Variants in CDC5L observed in about 807,000 individuals in gnomAD.
CDC5L encodes cell division cycle 5 like, also known as cell division cycle 5-like protein.
A neutral mutation model predicts 104.1 loss-of-function variants in CDC5L; 18 were observed. The observed-to-expected ratio is 0.17, with a 90% CI of 0.12 to 0.26. The LOEUF is 0.26. Ranked by LOEUF, CDC5L falls within the 10% of genes least tolerant of loss-of-function variation. The pLI is 1.00. For missense variants in CDC5L, 673 were observed against 956.9 expected, an observed-to-expected ratio of 0.70 and a Z score of 3.91; for synonymous variants, 331 against 322.7, an observed-to-expected ratio of 1.03 and a Z score of -0.28.
chr6:44,408,282 T>TC (rs1482754543), intron 7 of CDC5L, among the ~76,000 whole-genome samples, 162 bp from the exon 8 acceptor site: 13 of 151,798 alleles, frequency 8.6e-5, no homozygotes, highest in African/African-American at 3.1e-4. Flanking sequence ...TTTTTTTTTT[T>TC]CAATAGAGAC....
At chr6:44,446,000 G>C (rs2153384714) in intron 15 of CDC5L, 133 bp downstream of exon 15, 1 of 692,024 alleles carries the variant, frequency 1.4e-6, no homozygotes, top group Non-Finnish European at 2.4e-6. Context: ...AGAGCCTAAA[G>C]TGTTTGACTT....
intron 5 of CDC5L, among the ~76,000 whole-genome samples, chr6:44,396,754 C>T (rs1790887675): frequency 1.3e-5 from 2 of 152,178 alleles, no homozygotes; most frequent in African/African-American, 4.8e-5. Flanking sequence ...TCCACTGCCC[C>T]TTCCTTGGGT....
chr6:44,432,037 CTG>C (rs907775151), intron 14 of CDC5L, among the ~76,000 whole-genome samples: 91 of 152,212 alleles, frequency 6.0e-4, no homozygotes, highest in African/African-American at 2.0e-3. Context: ...ATTTGGTAAA[CTG>C]TGCTTATTTC....
chr6:44,441,006 C>G (rs566370589), intron 14 of CDC5L, among the ~76,000 whole-genome samples: 2 of 152,294 alleles, frequency 1.3e-5, no homozygotes, highest in African/African-American at 4.8e-5. Context: ...CCATGCCCAG[C>G]CTAAAAATCC....
rs1205872182 is a variant in CDC5L at position 44,398,822 on chromosome 6, A to C, written c.539+2382A>C. Among the ~76,000 whole-genome samples the C allele has an allele frequency of 3.3e-5, 5 of 152,380 alleles. No individual in the cohort carries two copies. The South Asian group carries it at 1.0e-3, about 32-fold the overall frequency. On this transcript the variant is annotated intron_variant, in intron 5 of 15. Transcript: ENST00000371477. The stretch of plus-strand genomic sequence containing the variant: ...TCTAAACTTTTCTCTCTCTCAACAT[A>C]GATGTGCATTTATGTGTATATATGT...
intron 8 of CDC5L, among the ~76,000 whole-genome samples, chr6:44,410,419 T>A (rs933278367): frequency 6.6e-6 from 1 of 152,258 alleles, no homozygotes; most frequent in African/African-American, 2.4e-5. Context: ...TAGTATTTTA[T>A]TGTGTTTATG....
At chr6:44,421,862 C>G (rs1378703233) in intron 9 of CDC5L, among the ~76,000 whole-genome samples, 1 of 151,958 alleles carries the variant, frequency 6.6e-6, no homozygotes, top group Non-Finnish European at 1.5e-5. Flanking sequence ...GGAACCAATC[C>G]CCGGTGGATA....
At chr6:44,445,900 G>T (rs77313417) in intron 15 of CDC5L, 33 bp downstream of exon 15, 15 of 1,506,458 alleles carry the variant, frequency 1.0e-5, no homozygotes, top group Non-Finnish European at 1.4e-5. Flanking sequence ...TGTTTAAAAA[G>T]AGTGCTGCAA....
chr6:44,391,438 C>T (rs150794873), intron 2 of CDC5L, among the ~76,000 whole-genome samples: 2,691 of 151,890 alleles, frequency 0.018, 45 homozygotes, highest in East Asian at 0.082. Flanking sequence ...TTAGTAGAGA[C>T]GGAGTTTCGC....
intron 8 of CDC5L, among the ~76,000 whole-genome samples, chr6:44,412,612 T>TA (rs763822693): frequency 5.9e-5 from 9 of 151,432 alleles, no homozygotes; most frequent in South Asian, 2.1e-4. Flanking sequence ...GTTTTTTTTT[T>TA]AATTTTGGGA....
chr6:44,433,316 C>G (rs1792774836), intron 14 of CDC5L, among the ~76,000 whole-genome samples: 1 of 152,006 alleles, frequency 6.6e-6, no homozygotes, highest in South Asian at 2.1e-4. Context: ...TCTGATGATG[C>G]CAGATAAATG....
At chr6:44,403,428 A>G (rs1186949206) in intron 5 of CDC5L, among the ~76,000 whole-genome samples, 1 of 152,002 alleles carries the variant, frequency 6.6e-6, no homozygotes, top group African/African-American at 2.4e-5. Context: ...TTCATTTATA[A>G]ATTTTCATAG....
chr6:44,399,746 C>T lies in CDC5L; in HGVS notation c.539+3306C>T, dbSNP rs185329627. On this transcript the variant is annotated intron_variant, in intron 5 of 15. Transcript: ENST00000371477. ...TAGGCTCACTGCAAGCTCCACCTCC[C>T]GGGTTCACGCCATTTTCCTGCCTCA... 4.0e-4 allele frequency among the ~76,000 whole-genome samples: 61 copies of T among 152,130 alleles called. No homozygotes were observed. The East Asian group carries it at 9.5e-3, about 24-fold the overall frequency.
At chr6:44,433,468 A>AT (rs1265816543) in intron 14 of CDC5L, among the ~76,000 whole-genome samples, 1 of 152,206 alleles carries the variant, frequency 6.6e-6, no homozygotes, top group Non-Finnish European at 1.5e-5. Context: ...TGAAATGAGA[A>AT]GTCTGAATTT....
intron 8 of CDC5L, among the ~76,000 whole-genome samples, chr6:44,417,025 C>A (rs1218363891): frequency 6.6e-6 from 1 of 152,102 alleles, no homozygotes; most frequent in Non-Finnish European, 1.5e-5. Flanking sequence ...TGGTTATTTT[C>A]ATTTTGCCTC....
chr6:44,393,528 C>T lies in CDC5L; in HGVS notation c.394C>T (p.Pro132Ser). The change falls in exon 4 of 16, where the codon CCA becomes TCA. Residue 132 changes from proline (P) to serine (S), a missense_variant. Transcript: ENST00000371477. ...TAAACCTGGAGAAATAGATCCAAAT[C>T]CAGAAACAAAACCAGCGCGGCCTGA... ...KLKPGEIDPN[P>S]ETKPARPDPI... 6.2e-7 allele frequency: 1 copy of T among 1,613,950 alleles called. No individual in the cohort carries two copies. The highest frequency in any genetic ancestry group is 8.5e-7 in the Non-Finnish European group (1 of 1,179,930).
intron 1 of CDC5L, 97 bp downstream of exon 1, chr6:44,387,965 G>A: frequency 3.4e-6 from 4 of 1,172,430 alleles, no homozygotes; most frequent in Non-Finnish European, 4.9e-6. Context: ...GAGACCCTGT[G>A]GGGTCTGCGT....
At chr6:44,411,729 A>G (rs1384527509) in intron 8 of CDC5L, among the ~76,000 whole-genome samples, 1 of 151,996 alleles carries the variant, frequency 6.6e-6, no homozygotes, top group Non-Finnish European at 1.5e-5. Context: ...GTGAAAGTTT[A>G]CAAAATTATG....
Position 44,403,978 on chromosome 6 carries a change from G to T in CDC5L, c.709G>T (p.Ala237Ser), listed in dbSNP as rs368546991. ...TGAGGAAAACTACCAAGCTCTTGAC[G>T]CAGATTTCAGGAAATTAAGACAACA... The part of the protein sequence containing the change: ...TSEENYQALD[A>S]DFRKLRQQDL... Residue 237 changes from alanine (A) to serine (S), a missense_variant, in exon 6 of 16, where the codon GCA becomes TCA. Ala to Ser is a moderately conservative substitution (Grantham distance 99, BLOSUM62 1). This residue lies in a region of CDC5L where 578 missense variants were observed against 737.0 expected (regional missense o/e 0.78). Coordinates refer to ENST00000371477, the MANE Select transcript of CDC5L (RefSeq NM_001253.4). 6.2e-7 allele frequency: 1 copy of T among 1,612,710 alleles called. No homozygotes were observed. Among genetic ancestry groups the T allele is most frequent in the Non-Finnish European group, 8.5e-7 (1 of 1,179,744 alleles).
Sources: gnomAD v4.1 joint callset for allele counts (sites outside exome capture counted in the v4.1 genomes callset) on GRCh38, gnomAD v4.1.1 for gene constraint, gnomAD v4.1.1 regional missense constraint, MANE v1.5 for transcripts, NCBI Gene and HGNC (gene_info 2026-07-23, HGNC 2026-07-21) for gene names.